The following RBFOX1 variants were observed in gnomAD, a reference collection of about 807,000 sequenced individuals.
The protein encoded by RBFOX1 is RNA binding protein fox-1 homolog 1.
A neutral mutation model predicts 57.7 loss-of-function variants in RBFOX1; 8 were observed. The observed-to-expected ratio is 0.14, with a 90% CI of 0.08 to 0.25. The LOEUF (loss-of-function observed/expected upper bound fraction) is 0.25. Among genes scored for constraint, RBFOX1 ranks in the 10% least tolerant of loss-of-function variants. The pLI, the probability that RBFOX1 is intolerant of heterozygous loss-of-function variation, is 1.00. For synonymous variants in RBFOX1, 326 were observed against 222.4 expected (o/e 1.47, Z -4.15); for missense variants, 611 against 548.5 (o/e 1.11, Z -1.14).
chr16:7,460,389 A>ATGTG (rs1235047786), intron 4 of RBFOX1, among the ~76,000 whole-genome samples: 1,593 of 86,948 alleles, frequency 0.018, 73 homozygotes, highest in Non-Finnish European at 0.023. Context: ...ATATATATAT[A>ATGTG]TGTGTGTGTG....
chr16:6,274,401 A>G (rs536307093), intron 1 of RBFOX1, among the ~76,000 whole-genome samples: 2 of 152,336 alleles, frequency 1.3e-5, no homozygotes, highest in South Asian at 4.1e-4. Flanking sequence ...AATGCATGCA[A>G]CAGCCCAACA....
chr16:5,339,470 G>GTTTTTTATTTTTTTT, intron 1 of RBFOX1, among the ~76,000 whole-genome samples: 1 of 40,854 alleles, frequency 2.4e-5, no homozygotes, highest in Non-Finnish European at 4.5e-5. Context: ...CTTTTTCCGT[G>GTTTTTTATTTTTTTT]TTTTTTTTTT....
chr16:5,663,159 C>G (rs548121054), intron 3 of RBFOX1, among the ~76,000 whole-genome samples: 4 of 152,132 alleles, frequency 2.6e-5, no homozygotes, highest in African/African-American at 9.7e-5. Flanking sequence ...AAAGAATGAC[C>G]CGGTTCCAAA....
chr16:5,454,484 T>C (rs2068519534), intron 1 of RBFOX1, among the ~76,000 whole-genome samples: 1 of 152,170 alleles, frequency 6.6e-6, no homozygotes, highest in African/African-American at 2.4e-5. Flanking sequence ...AATATTGAAA[T>C]TGGTAGGTGG....
intron 3 of RBFOX1, among the ~76,000 whole-genome samples, chr16:5,647,450 G>A (rs1387813893): frequency 6.6e-6 from 1 of 152,156 alleles, no homozygotes; most frequent in Non-Finnish European, 1.5e-5. Context: ...TTGGCAACAT[G>A]TAAACACTGC....
chr16:5,918,364 C>G (rs2058752402), intron 4 of RBFOX1, among the ~76,000 whole-genome samples: 1 of 152,220 alleles, frequency 6.6e-6, no homozygotes, highest in Admixed American at 6.5e-5. Flanking sequence ...AGGTGATCCA[C>G]TCGCCTTCGC....
chr16:7,542,533 G>A (rs2152476957), intron 5 of RBFOX1, among the ~76,000 whole-genome samples: 1 of 151,980 alleles, frequency 6.6e-6, no homozygotes, highest in Admixed American at 6.6e-5. Context: ...GAAGGAAGGG[G>A]AAAGAGAAAC....
chr16:6,132,318 T>C (rs745514465), intron 1 of RBFOX1, among the ~76,000 whole-genome samples: 5 of 152,206 alleles, frequency 3.3e-5, no homozygotes, highest in Admixed American at 6.5e-5. Context: ...CTGAAATGTG[T>C]GACTTGTCCA....
chr16:6,950,113 ATTTTT>A (rs58222300), intron 3 of RBFOX1, among the ~76,000 whole-genome samples: 6 of 120,934 alleles, frequency 5.0e-5, no homozygotes, highest in African/African-American at 2.0e-4. Context: ...CGCAGAGGTA[ATTTTT>A]TTTTTTTTTT....
chr16:7,440,482 A>T (rs1467577526), intron 4 of RBFOX1, among the ~76,000 whole-genome samples: 5 of 152,152 alleles, frequency 3.3e-5, no homozygotes, highest in African/African-American at 1.2e-4. Context: ...TTATGAAGGC[A>T]CTGAGAGCCC....
At chr16:6,801,422 A>C (rs1046267417) in intron 3 of RBFOX1, among the ~76,000 whole-genome samples, 7 of 152,180 alleles carry the variant, frequency 4.6e-5, no homozygotes, top group African/African-American at 1.2e-4. Flanking sequence ...GCTCAGCTGA[A>C]GATAAATAAG....
chr16:7,020,886 C>A (rs541106351), intron 3 of RBFOX1, among the ~76,000 whole-genome samples: 53 of 152,218 alleles, frequency 3.5e-4, no homozygotes, highest in Non-Finnish European at 5.7e-4. Context: ...CAGAACTTTG[C>A]GATGCTAAGA....
At chr16:7,301,962 C>A (rs1036878284) in intron 4 of RBFOX1, among the ~76,000 whole-genome samples, 2 of 152,072 alleles carry the variant, frequency 1.3e-5, no homozygotes, top group Admixed American at 6.5e-5. Context: ...AGAGGGAATT[C>A]TTATATTATT....
At chr16:5,432,305 C>A (rs1330614809) in intron 1 of RBFOX1, among the ~76,000 whole-genome samples, 1 of 145,632 alleles carries the variant, frequency 6.9e-6, no homozygotes. Context: ...GCAGGCCTCG[C>A]CGCAAGAAGC....
At chr16:5,695,229 A>C (rs1435782773) in intron 3 of RBFOX1, among the ~76,000 whole-genome samples, 2 of 152,160 alleles carry the variant, frequency 1.3e-5, no homozygotes, top group African/African-American at 4.8e-5. Context: ...TCTAATATTG[A>C]AATTTTCAAA....
chr16:6,275,055 A>G (rs935609602), intron 1 of RBFOX1, among the ~76,000 whole-genome samples: 3 of 152,198 alleles, frequency 2.0e-5, no homozygotes, highest in Non-Finnish European at 4.4e-5. Flanking sequence ...AGAGAGTCAC[A>G]TTGTCTGGTC....
At chr16:7,651,503 T>G (rs1408106650) in intron 11 of RBFOX1, among the ~76,000 whole-genome samples, 1 of 152,200 alleles carries the variant, frequency 6.6e-6, no homozygotes, top group Non-Finnish European at 1.5e-5. Context: ...CCAATTCTTT[T>G]GCCTTTTGCT....
At chr16:5,859,467 C>A (rs1567636376) in intron 3 of RBFOX1, among the ~76,000 whole-genome samples, 3 of 152,208 alleles carry the variant, frequency 2.0e-5, no homozygotes. Context: ...GGTAAGGTAA[C>A]TTTCCCATGG....
At chr16:6,436,466 C>A in intron 2 of RBFOX1, among the ~76,000 whole-genome samples, 1 of 148,690 alleles carries the variant, frequency 6.7e-6, no homozygotes. Flanking sequence ...TGTTGTAAAA[C>A]ATGCTGTGAA....
Sources: gnomAD v4.1 joint callset for allele counts (sites outside exome capture counted in the v4.1 genomes callset) on GRCh38, gnomAD v4.1.1 for gene constraint, MANE v1.5 for transcripts, NCBI Gene and HGNC (gene_info 2026-07-23, HGNC 2026-07-21) for gene names.